ARHGAP10: variants seen among roughly 807,000 people sequenced by gnomAD.
ARHGAP10 encodes Rho GTPase activating protein 10, also known as rho GTPase-activating protein 10.
Under a neutral mutation model 108.6 loss-of-function variants are expected in ARHGAP10, and 87 were observed. The ratio of observed to expected loss-of-function variants is 0.80; its 90% CI spans 0.67 to 0.96. The LOEUF (loss-of-function observed/expected upper bound fraction) is 0.96, where lower values mean the gene tolerates loss of function less well. Ranked by LOEUF, ARHGAP10 falls within the 40% of genes least tolerant of loss-of-function variation. ARHGAP10 has a pLI of 0.00. For missense variants in ARHGAP10, 939 were observed against 954.5 expected (o/e 0.98, Z 0.21); for synonymous variants, 347 against 341.1 (o/e 1.02, Z -0.19).
chr4:147,946,250 A>C (rs1265704626), intron 14 of ARHGAP10: 1 of 179,202 alleles, frequency 5.6e-6, no homozygotes, highest in East Asian at 1.6e-4. Flanking sequence ...ATGTGCATAC[A>C]ACTGAAAGTG....
At chr4:147,929,986 A>G (rs1258221146) in intron 13 of ARHGAP10, among the ~76,000 whole-genome samples, 1 of 152,172 alleles carries the variant, frequency 6.6e-6, no homozygotes, top group Non-Finnish European at 1.5e-5. Context: ...ATTAATGATG[A>G]AATGTTAGAC....
At chr4:147,897,720 G>C (rs1736053758) in intron 10 of ARHGAP10, among the ~76,000 whole-genome samples, 1 of 152,066 alleles carries the variant, frequency 6.6e-6, no homozygotes, top group South Asian at 2.1e-4. Context: ...CATAGCATTT[G>C]AACTACATAT....
intron 1 of ARHGAP10, among the ~76,000 whole-genome samples, chr4:147,807,592 T>C (rs1731842004): frequency 6.6e-6 from 1 of 151,452 alleles, no homozygotes; most frequent in Non-Finnish European, 1.5e-5. Context: ...TACCTAAAAA[T>C]AGAGAGTTCA....
chr4:147,869,999 TGTGTGTG>T (rs1465649193), intron 7 of ARHGAP10, among the ~76,000 whole-genome samples: 1 of 130,754 alleles, frequency 7.6e-6, no homozygotes, highest in Admixed American at 7.2e-5. Context: ...AGTCCCAGTT[TGTGTGTG>T]TGTGTGTGTG....
At chr4:147,732,945 T>G (rs977800376) in intron 1 of ARHGAP10, among the ~76,000 whole-genome samples, 2 of 152,222 alleles carry the variant, frequency 1.3e-5, no homozygotes, top group Admixed American at 1.3e-4. Context: ...CCCCTTAAGC[T>G]TCACCTTTTC....
At chr4:147,973,818 C>G (rs1739500087) in intron 18 of ARHGAP10, among the ~76,000 whole-genome samples, 1 of 152,148 alleles carries the variant, frequency 6.6e-6, no homozygotes, top group Non-Finnish European at 1.5e-5. Context: ...ACTTATTTCA[C>G]TTAACATAAT....
intron 13 of ARHGAP10, among the ~76,000 whole-genome samples, chr4:147,919,566 A>G (rs937104613): frequency 1.6e-5 from 1 of 61,580 alleles, no homozygotes; most frequent in Non-Finnish European, 9.8e-5. Context: ...TTTTAAAAAC[A>G]ATTTTTTTTT....
intron 1 of ARHGAP10, among the ~76,000 whole-genome samples, chr4:147,764,322 C>T (rs1729706087): frequency 6.6e-6 from 1 of 151,860 alleles, no homozygotes; most frequent in African/African-American, 2.4e-5. Flanking sequence ...ATAGGTGAGG[C>T]TGGAGACCCT....
At chr4:147,760,201 C>G (rs2126704241) in intron 1 of ARHGAP10, among the ~76,000 whole-genome samples, 1 of 152,298 alleles carries the variant, frequency 6.6e-6, no homozygotes, top group East Asian at 1.9e-4. Flanking sequence ...TACGCAGTAT[C>G]TACACCTGAC....
At chr4:147,904,042 CTT>C (rs1017225383) in intron 10 of ARHGAP10, among the ~76,000 whole-genome samples, 2 of 152,140 alleles carry the variant, frequency 1.3e-5, no homozygotes, top group Non-Finnish European at 2.9e-5. Flanking sequence ...AACAACCAGA[CTT>C]TGAAAGTGTA....
intron 14 of ARHGAP10, among the ~76,000 whole-genome samples, chr4:147,940,768 G>A (rs1738139033): frequency 6.6e-6 from 1 of 152,216 alleles, no homozygotes; most frequent in Non-Finnish European, 1.5e-5. Context: ...TAGGAAGCAT[G>A]AGCCAAGTTG....
In ARHGAP10 at chr4:147,822,911, A is replaced by C. The variant is rs917349913; in HGVS notation, c.266A>C (p.Glu89Ala). 1.4e-5 allele frequency: 23 copies of C among 1,614,058 alleles called. No individual in the cohort carries two copies. The highest frequency in any genetic ancestry group is 1.9e-5 in the Non-Finnish European group (23 of 1,179,960). ...DERCIDASLR[E>A]FSNFLKNLEE... The stretch of plus-strand genomic sequence containing the variant: ...CTTCTTACAGATGCTTCCTTACGTG[A>C]ATTTTCAAATTTTTTGAAGAATCTG... The change falls in exon 3 of 23, where the codon GAA becomes GCA. Residue 89 changes from glutamate (E) to alanine (A), a missense_variant. Glu to Ala is a moderately radical substitution (Grantham distance 107). Coordinates refer to ENST00000336498, the MANE Select transcript of ARHGAP10 (RefSeq NM_024605.4).
intron 7 of ARHGAP10, among the ~76,000 whole-genome samples, chr4:147,874,251 C>T (rs1383671064): frequency 6.6e-6 from 1 of 152,176 alleles, no homozygotes; most frequent in African/African-American, 2.4e-5. Context: ...GGTATTAATA[C>T]AATTATTTTT....
At chr4:147,868,275 C>T (rs904205991) in intron 7 of ARHGAP10, among the ~76,000 whole-genome samples, 6 of 150,254 alleles carry the variant, frequency 4.0e-5, no homozygotes, top group African/African-American at 7.4e-5. Context: ...GTCACTCTGT[C>T]GCTGAGGCTG....
intron 18 of ARHGAP10, among the ~76,000 whole-genome samples, chr4:148,011,053 C>T (rs1000413067): frequency 6.6e-5 from 10 of 152,272 alleles, no homozygotes; most frequent in Non-Finnish European, 1.5e-4. Flanking sequence ...ATTACTTTGA[C>T]TCTTCACAAT....
intron 1 of ARHGAP10, among the ~76,000 whole-genome samples, chr4:147,782,280 G>A (rs75862873): frequency 0.034 from 5,174 of 152,254 alleles, 107 homozygotes; most frequent in South Asian, 0.097. Context: ...GTTGAACTAC[G>A]TTGAGTTTTC....
At chr4:147,823,253 A>C (rs1732578623) in intron 3 of ARHGAP10, among the ~76,000 whole-genome samples, 1 of 152,192 alleles carries the variant, frequency 6.6e-6, no homozygotes, top group South Asian at 2.1e-4. Flanking sequence ...AGAGCACTTT[A>C]ATTTATGTAG....
intron 10 of ARHGAP10, among the ~76,000 whole-genome samples, chr4:147,900,092 C>T (rs931832545): frequency 1.3e-5 from 2 of 152,082 alleles, no homozygotes; most frequent in Non-Finnish European, 2.9e-5. Context: ...TCACTTAAAA[C>T]ACAAGGGTAA....
intron 3 of ARHGAP10, among the ~76,000 whole-genome samples, chr4:147,845,848 A>C (rs1397493050): frequency 1.3e-5 from 2 of 152,180 alleles, no homozygotes; most frequent in East Asian, 3.8e-4. Flanking sequence ...CTGTACTCTC[A>C]AATGGAATGT....
Sources: allele counts gnomAD v4.1 joint callset (sites outside exome capture counted in the v4.1 genomes callset), GRCh38; gene constraint gnomAD v4.1.1; transcripts MANE v1.5; gene names NCBI Gene and HGNC (gene_info 2026-07-23, HGNC 2026-07-21).